ESF1: variants seen among roughly 807,000 people sequenced by gnomAD.
ESF1 encodes the protein ESF1 homolog.
ESF1 carries 58 observed loss-of-function variants against 92.0 expected under a neutral mutation model. The ratio of observed to expected loss-of-function variants is 0.63; its 90% CI spans 0.51 to 0.78. The LOEUF is 0.78. Among genes scored for constraint, ESF1 ranks in the 30% least tolerant of loss-of-function variants. The pLI is 0.00. For synonymous variants in ESF1, 321 were observed against 313.7 expected (o/e 1.02, Z -0.24); for missense variants, 922 against 989.1 (o/e 0.93, Z 0.91).
intron 10 of ESF1, among the ~76,000 whole-genome samples, chr20:13,732,313 T>C (rs1395412033): frequency 2.0e-5 from 3 of 152,196 alleles, no homozygotes; most frequent in Non-Finnish European, 2.9e-5. Flanking sequence ...TTGATAGTTG[T>C]AGTGTGACAG....
Position 13,718,999 on chromosome 20 carries a change from C to A in ESF1, c.2039-15G>T. The A allele has an allele frequency of 6.3e-7, 1 of 1,587,202 alleles. No homozygotes were observed. The highest frequency in any genetic ancestry group is 8.6e-7 in the Non-Finnish European group (1 of 1,168,316). On this transcript the variant is annotated splice_polypyrimidine_tract_variant and intron_variant, in intron 11 of 13. Coordinates refer to ENST00000617257, the MANE Select transcript of ESF1 (RefSeq NM_001276380.2). ...TTTATTTATACCTGGCACAACAAAC[C>A]AACATAAGAGTGGTAAAAATTACAG...
chr20:13,739,635 T>C (rs1236287950), intron 9 of ESF1, among the ~76,000 whole-genome samples: 3 of 151,128 alleles, frequency 2.0e-5, no homozygotes, highest in Non-Finnish European at 2.9e-5. Context: ...TATACATGTT[T>C]ATGGACAAGG....
chr20:13,748,882 C>A, intron 9 of ESF1, among the ~76,000 whole-genome samples: 1 of 151,740 alleles, frequency 6.6e-6, no homozygotes, highest in African/African-American at 2.4e-5. Flanking sequence ...CCACCATGCC[C>A]AGCCCCTCAA....
At chr20:13,736,074 G>A (rs1436254664) in intron 9 of ESF1, among the ~76,000 whole-genome samples, 1 of 152,134 alleles carries the variant, frequency 6.6e-6, no homozygotes, top group South Asian at 2.1e-4. Flanking sequence ...TAGCCTGGGG[G>A]AAGATGAAAG....
chr20:13,752,571 G>T (rs1414680358), intron 9 of ESF1, among the ~76,000 whole-genome samples: 5 of 152,192 alleles, frequency 3.3e-5, no homozygotes, highest in Non-Finnish European at 7.4e-5. Flanking sequence ...ACAGTGAACA[G>T]GTTTTGAGAC....
At chr20:13,739,121 A>G (rs1354146277) in intron 9 of ESF1, among the ~76,000 whole-genome samples, 4 of 152,200 alleles carry the variant, frequency 2.6e-5, no homozygotes, top group African/African-American at 7.2e-5. Context: ...TCAATTCTAT[A>G]TCTTCCAAAA....
intron 9 of ESF1, among the ~76,000 whole-genome samples, chr20:13,753,245 C>A (rs1209100766): frequency 6.6e-6 from 1 of 151,676 alleles, no homozygotes; most frequent in African/African-American, 2.4e-5. Context: ...TTAACAAAAG[C>A]CCCCTTACCC....
At chr20:13,748,593 T>TATATA (rs1466247619) in intron 9 of ESF1, among the ~76,000 whole-genome samples, 15 of 11,814 alleles carry the variant, frequency 1.3e-3, no homozygotes, top group African/African-American at 4.6e-3. Context: ...TATATATATA[T>TATATA]TTTTTTTTTT....
intron 13 of ESF1, among the ~76,000 whole-genome samples, chr20:13,716,519 C>T (rs1409786746): frequency 2.0e-5 from 3 of 152,126 alleles, no homozygotes; most frequent in Non-Finnish European, 4.4e-5. Flanking sequence ...AACTATTTCA[C>T]CTGGTGCTCA....
intron 2 of ESF1, among the ~76,000 whole-genome samples, chr20:13,777,179 G>T (rs1284798087): frequency 6.6e-6 from 1 of 152,166 alleles, no homozygotes; most frequent in African/African-American, 2.4e-5. Flanking sequence ...AGAAATGAAG[G>T]TAGCACTAAG....
At chr20:13,738,661 G>A (rs1284875580) in intron 9 of ESF1, among the ~76,000 whole-genome samples, 1 of 152,020 alleles carries the variant, frequency 6.6e-6, no homozygotes, top group Non-Finnish European at 1.5e-5. Flanking sequence ...TCTAGCATTT[G>A]TCACAGTTGG....
At chr20:13,740,245 T>C (rs1280027059) in intron 9 of ESF1, among the ~76,000 whole-genome samples, 3 of 152,026 alleles carry the variant, frequency 2.0e-5, no homozygotes, top group Non-Finnish European at 4.4e-5. Flanking sequence ...TCAAGAACAA[T>C]GAGATCACAA....
In ESF1 at chr20:13,759,788, G is replaced by C. The variant is rs1221963695; in HGVS notation, c.1732C>G (p.Gln578Glu). 1 of 1,589,078 alleles carries C rather than the reference G, an allele frequency of 6.3e-7. No homozygotes were observed. The highest frequency in any genetic ancestry group is 8.5e-7 in the Non-Finnish European group (1 of 1,172,522). Residue 578 changes from glutamine to glutamate, a missense_variant, in exon 9 of 14, where the codon CAA becomes GAA. Physicochemically the swap from Gln to Glu is conservative, Grantham distance 29. Coordinates refer to ENST00000617257, the MANE Select transcript of ESF1 (RefSeq NM_001276380.2). The part of the protein sequence containing the change: ...TKKSQKDDEE[Q>E]IAKYRQLLQV... ...AAGAGCTGCCTGTATTTAGCAATTT[G>C]TTCTTCATCATCCTTCTGACTTTTC...
intron 9 of ESF1, among the ~76,000 whole-genome samples, chr20:13,737,178 T>G (rs76614493): frequency 2.6e-5 from 4 of 152,204 alleles, no homozygotes; most frequent in African/African-American, 9.6e-5. Context: ...AAATTTTAAG[T>G]GCATATCCAA....
chr20:13,747,470 CAGG>C (rs1250141321), intron 9 of ESF1, among the ~76,000 whole-genome samples: 5 of 151,692 alleles, frequency 3.3e-5, no homozygotes, highest in Non-Finnish European at 5.9e-5. Context: ...GAGGCAGAGG[CAGG>C]AGAACTGCTT....
chr20:13,775,988 C>T lies in ESF1; in HGVS notation c.920G>A (p.Gly307Glu), dbSNP rs1486508875. Residue 307 changes from glycine to glutamate, a missense_variant, in exon 3 of 14, where the codon GGA becomes GAA. By Grantham distance (98) the Gly-to-Glu change is moderately conservative (BLOSUM62 -2). Transcript: ENST00000617257. Reference sequence around the variant, plus strand: ...ATCTTCAGAACTAGTTTCTATATTTCCTTTACCCCTTGCAAGATCAGGGCC... The same window carrying T: ...ATCTTCAGAACTAGTTTCTATATTTTCTTTACCCCTTGCAAGATCAGGGCC... ...DSGPDLARGK[G>E]NIETSSEDED... The T allele has an allele frequency of 6.2e-7, 1 of 1,613,902 alleles. No individual in the cohort carries two copies. The highest frequency in any genetic ancestry group is 1.3e-5 in the African/African-American group (1 of 75,044).
chr20:13,769,645 G>A (rs902017845), intron 7 of ESF1, among the ~76,000 whole-genome samples: 1 of 152,104 alleles, frequency 6.6e-6, no homozygotes, highest in South Asian at 2.1e-4. Flanking sequence ...AATTAGCCAG[G>A]TGTAGTGGTA....
rs762486977 is a variant in ESF1 at position 13,766,885 on chromosome 20, T to C, written c.1558A>G (p.Thr520Ala). The C allele has an allele frequency of 4.3e-6, 7 of 1,613,652 alleles. No homozygotes were observed. Among genetic ancestry groups the C allele is most frequent in the Admixed American group, 1.7e-5 (1 of 60,006 alleles). ...TTTTTAAACTTCCTGTTGAGCATTG[T>C]AATTCTTTCATGATCAGTCTCATCC... ...TWDETDHERI[T>A]MLNRKFKKEE... is the part of the protein sequence containing the mutation. Residue 520 changes from threonine (T) to alanine (A), a missense_variant, in exon 8 of 14, where the codon ACA (threonine) becomes GCA (alanine). Transcript: ENST00000617257.
chr20:13,744,408 C>T (rs2050034699), intron 9 of ESF1, among the ~76,000 whole-genome samples: 1 of 152,168 alleles, frequency 6.6e-6, no homozygotes, highest in South Asian at 2.1e-4. Context: ...ACAAACTGTT[C>T]CTCCTCATTA....
Sources: allele counts gnomAD v4.1 joint callset (sites outside exome capture counted in the v4.1 genomes callset), GRCh38; gene constraint gnomAD v4.1.1; transcripts MANE v1.5; gene names NCBI Gene and HGNC (gene_info 2026-07-23, HGNC 2026-07-21).